The following MLLT10 variants were observed in gnomAD, a reference collection of about 807,000 sequenced individuals.
The protein encoded by MLLT10 is MLLT10 histone lysine methyltransferase DOT1L cofactor, also known as protein AF-10.
A neutral mutation model predicts 129.1 loss-of-function variants in MLLT10; 30 were observed. The observed-to-expected ratio is 0.23, with a 90% confidence interval of 0.17 to 0.32. The LOEUF is 0.32. Among genes scored for constraint, MLLT10 ranks in the 10% least tolerant of loss-of-function variants. The pLI is 1.00. For synonymous variants in MLLT10, 490 were observed against 446.4 expected (o/e 1.10, Z -1.23); for missense variants, 1,119 against 1,268.3 (o/e 0.88, Z 1.79).
chr10:21,617,131 C>CTAA lies in MLLT10; in HGVS notation c.626_628dup (p.Asn209dup). The CTAA allele has an allele frequency of 1.3e-6, 2 of 1,521,858 alleles. No individual in the cohort carries two copies. The highest frequency in any genetic ancestry group is 1.8e-6 in the Non-Finnish European group (2 of 1,129,658). 94.3% of individuals were successfully genotyped at this position (1,521,858 alleles called of 1,614,324 possible). On this transcript the variant is annotated inframe_insertion, in exon 8 of 23. Coordinates refer to ENST00000307729, the MANE Select transcript of MLLT10 (RefSeq NM_001195626.3). The stretch of plus-strand genomic sequence containing the variant: ...TTTTAGAAAAAGAGCAAACGGGGAT[C>CTAA]TAATAGGTCATATGATCAAAGTTTA...
At chr10:21,622,503 A>AT (rs2045985956) in intron 8 of MLLT10, among the ~76,000 whole-genome samples, 1 of 152,062 alleles carries the variant, frequency 6.6e-6, no homozygotes, top group South Asian at 2.1e-4. Context: ...AATTTGGTAT[A>AT]TATTTTAAAA....
At chr10:21,665,520 TCAGGTGATC>T (rs1189393820) in intron 9 of MLLT10, among the ~76,000 whole-genome samples, 2 of 151,882 alleles carry the variant, frequency 1.3e-5, no homozygotes, top group Admixed American at 1.3e-4. Context: ...GCTCCTTACC[TCAGGTGATC>T]CACCCTTCTC....
intron 16 of MLLT10, among the ~76,000 whole-genome samples, chr10:21,730,312 A>G (rs1589866145): frequency 1.1e-5 from 1 of 88,070 alleles, no homozygotes; most frequent in African/African-American, 6.0e-5. Flanking sequence ...CAAAAATGAA[A>G]AAAAAAAAAA....
intron 8 of MLLT10, among the ~76,000 whole-genome samples, chr10:21,645,713 G>A (rs1219398377): frequency 6.6e-6 from 1 of 152,066 alleles, no homozygotes; most frequent in South Asian, 2.1e-4. Context: ...TTTCTGATTT[G>A]TCCCAGACAT....
chr10:21,587,890 A>T (rs1438266741), intron 4 of MLLT10, among the ~76,000 whole-genome samples: 1 of 152,276 alleles, frequency 6.6e-6, no homozygotes, highest in African/African-American at 2.4e-5. Context: ...TCCTGCTACT[A>T]TGTAATAATT....
chr10:21,742,396 T>C lies in MLLT10; in HGVS notation c.*413T>C, dbSNP rs573966213. 3.6e-4 allele frequency: 82 copies of C among 229,206 alleles called. No individual in the cohort carries two copies. The highest frequency in any genetic ancestry group is 6.1e-4 in the Non-Finnish European group (71 of 116,014). The allele number at this position is 229,206 out of a possible 1,614,324, so 14.2% of individuals were successfully genotyped here. A position where few individuals can be genotyped will look rare whatever the true frequency, so the allele number is the denominator to read the frequency against. ...TGATTTTATTGTACAAGTTGAAATA[T>C]GCTCTTTTGTTTGGGTTACAGTATG... is the stretch of plus-strand genomic sequence containing the variant. On this transcript the variant is annotated 3_prime_UTR_variant, in exon 23 of 23. Coordinates refer to ENST00000307729, the MANE Select transcript of MLLT10 (RefSeq NM_001195626.3).
chr10:21,677,139 C>G (rs191053126), intron 11 of MLLT10, among the ~76,000 whole-genome samples: 118 of 152,276 alleles, frequency 7.7e-4, no homozygotes, highest in Non-Finnish European at 1.2e-3. Context: ...TTAGACAGCT[C>G]AACAGATGTT....
chr10:21,644,666 C>T (rs923209453), intron 8 of MLLT10, among the ~76,000 whole-genome samples: 3 of 152,008 alleles, frequency 2.0e-5, no homozygotes, highest in Admixed American at 6.6e-5. Flanking sequence ...TTTTGAGACA[C>T]GGTCTCACTC....
Position 21,538,824 on chromosome 10 carries a change from T to G in MLLT10, c.161-9T>G. ...TCTTAACATTTTAACACATTTCATT[T>G]TTCAACAGCTTGCTATGGCATTGTT... On this transcript the variant is annotated splice_polypyrimidine_tract_variant and intron_variant, in intron 2 of 22. Coordinates refer to ENST00000307729, the MANE Select transcript of MLLT10 (RefSeq NM_001195626.3). The G allele has an allele frequency of 6.2e-7, 1 of 1,604,444 alleles. No individual in the cohort carries two copies. The highest frequency in any genetic ancestry group is 8.5e-7 in the Non-Finnish European group (1 of 1,173,604).
At chr10:21,692,375 G>T (rs982797791) in intron 13 of MLLT10, among the ~76,000 whole-genome samples, 5 of 151,778 alleles carry the variant, frequency 3.3e-5, no homozygotes, top group Non-Finnish European at 5.9e-5. Flanking sequence ...TTGCTTTGTT[G>T]CCCAGACTGG....
At chr10:21,560,554 G>C (rs1053198498) in intron 3 of MLLT10, among the ~76,000 whole-genome samples, 27 of 152,040 alleles carry the variant, frequency 1.8e-4, no homozygotes, top group Admixed American at 1.6e-3. Flanking sequence ...GTCTCACCTA[G>C]ACTCCTGTGT....
At chr10:21,596,949 A>T (rs543173714) in intron 5 of MLLT10, among the ~76,000 whole-genome samples, 1 of 151,606 alleles carries the variant, frequency 6.6e-6, no homozygotes, top group South Asian at 2.1e-4. Flanking sequence ...TTTCGAGGTA[A>T]TTTACACAAA....
intron 3 of MLLT10, among the ~76,000 whole-genome samples, chr10:21,554,079 G>T (rs540320367): frequency 6.6e-6 from 1 of 152,150 alleles, no homozygotes; most frequent in African/African-American, 2.4e-5. Flanking sequence ...GTACACAGTG[G>T]TCCTTTTGAT....
chr10:21,622,028 A>C (rs2045912119), intron 8 of MLLT10, among the ~76,000 whole-genome samples: 1 of 152,076 alleles, frequency 6.6e-6, no homozygotes, highest in African/African-American at 2.4e-5. Flanking sequence ...GCTCTGTGTG[A>C]TTCAAGCTGT....
At chr10:21,739,045 A>G (rs1589931269) in intron 21 of MLLT10, among the ~76,000 whole-genome samples, 1 of 151,940 alleles carries the variant, frequency 6.6e-6, no homozygotes, top group East Asian at 1.9e-4. Flanking sequence ...TTCCTGCACA[A>G]CCCCGCCCCA....
At position 21,626,542 on chromosome 10, in the gene MLLT10, C is replaced by T. The variant is rs370030205; in HGVS notation, c.699+9335C>T. 4.6e-5 allele frequency among the ~76,000 whole-genome samples: 7 copies of T among 152,196 alleles called. No homozygotes were observed. In the East Asian group the frequency reaches 7.7e-4, roughly 17 times the overall value. On this transcript the variant is annotated intron_variant, in intron 8 of 22. Coordinates refer to ENST00000307729, the MANE Select transcript of MLLT10 (RefSeq NM_001195626.3). ...AATACATTCATGAGGGTAGTAGTCCCGTAACCCAAACGCCTTTTAATGGCC... is the reference window on the plus strand; with the variant it reads ...AATACATTCATGAGGGTAGTAGTCCTGTAACCCAAACGCCTTTTAATGGCC...
chr10:21,644,565 C>T (rs980928306), intron 8 of MLLT10, among the ~76,000 whole-genome samples: 15 of 151,938 alleles, frequency 9.9e-5, no homozygotes, highest in African/African-American at 4.8e-5. Flanking sequence ...TGTCTTGCAC[C>T]AGGTTCTATA....
chr10:21,612,178 TTC>T (rs1190174638), intron 5 of MLLT10, among the ~76,000 whole-genome samples, 168 bp from the exon 6 acceptor site: 2 of 152,200 alleles, frequency 1.3e-5, no homozygotes, highest in African/African-American at 4.8e-5. Context: ...GTTTATATTT[TTC>T]TGTTTGTATT....
chr10:21,617,276 A>G, intron 8 of MLLT10, 69 bp downstream of exon 8: 1 of 696,162 alleles, frequency 1.4e-6, no homozygotes, highest in Non-Finnish European at 2.2e-6. Flanking sequence ...GCCTTTTTAG[A>G]TAAAATTACA....
Sources: allele counts gnomAD v4.1 joint callset (sites outside exome capture counted in the v4.1 genomes callset), GRCh38; gene constraint gnomAD v4.1.1; transcripts MANE v1.5; gene names NCBI Gene and HGNC (gene_info 2026-07-23, HGNC 2026-07-21).